The following IQGAP1 variants were observed in gnomAD, a reference collection of about 807,000 sequenced individuals.
IQGAP1 encodes ras GTPase-activating-like protein IQGAP1.
IQGAP1 carries 66 observed loss-of-function variants against 215.6 expected under a neutral mutation model. The ratio of observed to expected loss-of-function variants is 0.31; its 90% CI spans 0.25 to 0.38. The LOEUF (loss-of-function observed/expected upper bound fraction) is 0.38. IQGAP1 is among the 10% of genes least tolerant of loss of function. IQGAP1 has a pLI of 1.00. For missense variants in IQGAP1, 1,712 were observed against 1,997.1 expected (o/e 0.86, Z 2.72); for synonymous variants, 772 against 728.7 (o/e 1.06, Z -0.96).
chr15:90,470,953 A>G (rs1291286766), intron 18 of IQGAP1, among the ~76,000 whole-genome samples: 1 of 151,900 alleles, frequency 6.6e-6, no homozygotes, highest in Admixed American at 6.6e-5. Context: ...CAAAGAGTCC[A>G]TTGGCTGCCT....
intron 5 of IQGAP1, among the ~76,000 whole-genome samples, chr15:90,436,963 A>G (rs1264926247): frequency 1.3e-5 from 2 of 152,222 alleles, no homozygotes; most frequent in African/African-American, 4.8e-5. Flanking sequence ...GGTACTGTGA[A>G]AGCAACTGTA....
intron 9 of IQGAP1, 26 bp downstream of exon 9, chr15:90,443,504 C>G: frequency 8.0e-7 from 1 of 1,253,864 alleles, no homozygotes; most frequent in South Asian, 1.2e-5. Context: ...AATCAGGCAC[C>G]TAAAGGGATA....
At chr15:90,482,696 T>C in intron 28 of IQGAP1, 1 of 998,652 alleles carries the variant, frequency 1.0e-6, no homozygotes, top group Non-Finnish European at 1.2e-6. Flanking sequence ...TTCTTCTCTC[T>C]CCTAGTTCTG....
intron 22 of IQGAP1, 118 bp from the exon 23 acceptor site, chr15:90,474,367 C>G (rs1428457261): frequency 1.1e-6 from 1 of 886,086 alleles, no homozygotes; most frequent in Non-Finnish European, 1.8e-6. Context: ...TGATAGTTGT[C>G]TTAGCACATC....
At chr15:90,413,176 A>G (rs1313696502) in intron 2 of IQGAP1, among the ~76,000 whole-genome samples, 2 of 152,156 alleles carry the variant, frequency 1.3e-5, no homozygotes, top group Non-Finnish European at 2.9e-5. Flanking sequence ...ATGGAGTGTC[A>G]GACTCCATTA....
chr15:90,390,386 T>C (rs1247235910), intron 1 of IQGAP1, among the ~76,000 whole-genome samples: 1 of 152,232 alleles, frequency 6.6e-6, no homozygotes, highest in Non-Finnish European at 1.5e-5. Flanking sequence ...AAATGCTTCG[T>C]ACAATTACTG....
intron 2 of IQGAP1, among the ~76,000 whole-genome samples, chr15:90,423,229 G>A (rs1965173422): frequency 6.6e-6 from 1 of 152,096 alleles, no homozygotes; most frequent in African/African-American, 2.4e-5. Context: ...TTTCAAAGCA[G>A]TTTGGTCCTG....
chr15:90,443,954 C>T (rs1319443350), intron 9 of IQGAP1, among the ~76,000 whole-genome samples: 1 of 151,852 alleles, frequency 6.6e-6, no homozygotes, highest in African/African-American at 2.4e-5. Flanking sequence ...GTCCCAGCTA[C>T]TTGGGAGGCT....
chr15:90,398,889 C>G (rs1209068975), intron 2 of IQGAP1, among the ~76,000 whole-genome samples: 1 of 151,106 alleles, frequency 6.6e-6, no homozygotes, highest in Non-Finnish European at 1.5e-5. Context: ...GCTTGTAATC[C>G]CAGCTACTCT....
At chr15:90,474,807 C>G (rs1474351661) in intron 23 of IQGAP1, 114 bp downstream of exon 23, 1 of 738,608 alleles carries the variant, frequency 1.4e-6, no homozygotes, top group Non-Finnish European at 2.3e-6. Flanking sequence ...TCAGCTACTG[C>G]CATAAGAGCT....
intron 22 of IQGAP1, 115 bp downstream of exon 22, chr15:90,474,248 G>A (rs1965947705): frequency 2.1e-6 from 2 of 945,334 alleles, no homozygotes; most frequent in East Asian, 2.6e-5. Context: ...GGGAGAGGGT[G>A]TGACCTGTGA....
At chr15:90,477,370 T>A (rs1427356682) in intron 25 of IQGAP1, 140 bp downstream of exon 25, 2 of 753,758 alleles carry the variant, frequency 2.7e-6, no homozygotes, top group African/African-American at 3.5e-5. Context: ...ATCTAATTTT[T>A]AAATAACTGA....
intron 1 of IQGAP1, 60 bp downstream of exon 1, chr15:90,388,456 G>A: frequency 1.4e-6 from 1 of 695,382 alleles, no homozygotes; most frequent in Non-Finnish European, 2.1e-6. Flanking sequence ...GACGAGGCGC[G>A]ATTTTCCTGG....
intron 2 of IQGAP1, among the ~76,000 whole-genome samples, chr15:90,397,396 G>A (rs531121024): frequency 2.2e-4 from 33 of 152,118 alleles, no homozygotes; most frequent in African/African-American, 6.7e-4. Context: ...GTTGCTTAAC[G>A]TCAGGGAGTG....
In IQGAP1 at chr15:90,491,425, C is replaced by G; in HGVS notation, c.4341C>G (p.Asp1447Glu). 6.2e-7 allele frequency: 1 copy of G among 1,614,030 alleles called. No homozygotes were observed. The highest frequency in any genetic ancestry group is 8.5e-7 in the Non-Finnish European group (1 of 1,179,964). Residue 1447 changes from aspartate (D) to glutamate (E), a missense_variant, in exon 34 of 38, where the codon GAC becomes GAG. Physicochemically the swap from Asp to Glu is conservative, Grantham distance 45. Around this residue, in one of 2 missense-constraint regions of IQGAP1, gnomAD observed 691 missense variants for 923.0 expected, o/e 0.75. Transcript: ENST00000268182. ...KMKKSKSVKE[D>E]SNLTLQEKKE... ...AAAAGTCAAAATCTGTAAAGGAAGA[C>G]AGCAACCTCACTCTTCAAGAGAAGA... is the stretch of plus-strand genomic sequence containing the variant.
rs148149374 is a variant in IQGAP1 at position 90,478,576 on chromosome 15, G to A, written c.3329+687G>A. ...CGGTTCTTTAATGGAGACTTTATAA[G>A]AGGGAGCTAACATAAGGTGGTTAGG... On this transcript the variant is annotated intron_variant, in intron 26 of 37. Transcript: ENST00000268182. 3.9e-3 allele frequency among the ~76,000 whole-genome samples: 596 copies of A among 152,322 alleles called. 8 individuals carry two copies. Among genetic ancestry groups the A allele is most frequent in the Non-Finnish European group, 4.2e-3 (283 of 68,036 alleles).
At chr15:90,485,436 GTTTGT>G (rs1966113554) in intron 30 of IQGAP1, among the ~76,000 whole-genome samples, 1 of 151,882 alleles carries the variant, frequency 6.6e-6, no homozygotes, top group Non-Finnish European at 1.5e-5. Context: ...TTTTGTGTTT[GTTTGT>G]TTTGTTTTGT....
In IQGAP1 at chr15:90,424,078, C is replaced by T. The variant is rs1294683904; in HGVS notation, c.156-2032C>T. On this transcript the variant is annotated intron_variant, in intron 2 of 37. Transcript: ENST00000268182. ...GCTTGAGGGCCATTTTTGGCTTAGG[C>T]TGAGGTTGTTAGGTTTTCACTGTTA... Among the ~76,000 whole-genome samples, 2 of 150,458 alleles carry T rather than the reference C, an allele frequency of 1.3e-5. 1 individual carries two copies. Among genetic ancestry groups the T allele is most frequent in the African/African-American group, 4.9e-5 (2 of 40,742 alleles).
chr15:90,470,603 C>G (rs1290241214), intron 18 of IQGAP1, among the ~76,000 whole-genome samples: 3 of 152,220 alleles, frequency 2.0e-5, no homozygotes, highest in Middle Eastern at 3.4e-3. Flanking sequence ...TTTCCCTGAT[C>G]TGGCCTCACC....
Sources: allele counts gnomAD v4.1 joint callset (sites outside exome capture counted in the v4.1 genomes callset), GRCh38; gene constraint gnomAD v4.1.1; regional missense constraint gnomAD v4.1.1; transcripts MANE v1.5; gene names NCBI Gene and HGNC (gene_info 2026-07-23, HGNC 2026-07-21).